The following CBLB variants were observed in gnomAD, a reference collection of about 807,000 sequenced individuals.
The protein encoded by CBLB is E3 ubiquitin-protein ligase CBL-B.
A neutral mutation model predicts 104.9 loss-of-function variants in CBLB; 31 were observed. The observed-to-expected ratio is 0.30, with a 90% CI of 0.22 to 0.40. The LOEUF (loss-of-function observed/expected upper bound fraction) is 0.40, where lower values mean the gene tolerates loss of function less well. Among genes scored for constraint, CBLB ranks in the 10% least tolerant of loss-of-function variants. The pLI is 1.00. For synonymous variants in CBLB, 440 were observed against 422.6 expected, an observed-to-expected ratio of 1.04 and a Z score of -0.51; for missense variants, 1,062 against 1,214.6, an observed-to-expected ratio of 0.87 and a Z score of 1.87.
intron 18 of CBLB, among the ~76,000 whole-genome samples, chr3:105,666,978 AGCCACG>A (rs1206841413): frequency 6.6e-6 from 1 of 152,212 alleles, no homozygotes; most frequent in East Asian, 1.9e-4. Flanking sequence ...CGTGAAGTGA[AGCCACG>A]ATTTCCAATT....
intron 3 of CBLB, among the ~76,000 whole-genome samples, chr3:105,792,447 T>C (rs145811450): frequency 6.6e-6 from 1 of 152,306 alleles, no homozygotes; most frequent in East Asian, 1.9e-4. Context: ...CAACTACTTA[T>C]GGGACTTTCA....
chr3:105,769,460 C>A (rs1284402642), intron 4 of CBLB, among the ~76,000 whole-genome samples: 2 of 152,150 alleles, frequency 1.3e-5, no homozygotes, highest in African/African-American at 4.8e-5. Context: ...GGGGGCATGT[C>A]AGCAGTTCAC....
At chr3:105,732,878 T>G (rs2074471103) in intron 9 of CBLB, among the ~76,000 whole-genome samples, 1 of 152,166 alleles carries the variant, frequency 6.6e-6, no homozygotes, top group East Asian at 1.9e-4. Context: ...ACCGAAAATC[T>G]TTTTTAAAGA....
intron 4 of CBLB, among the ~76,000 whole-genome samples, chr3:105,754,497 GAGAGAGAGAGAGAGAGAGAGAGAGAC>G (rs1364731840): frequency 1.5e-4 from 7 of 48,070 alleles, no homozygotes; most frequent in Non-Finnish European, 3.0e-4. Context: ...AAAGGGAAGA[GAGAGAGAGAGAGAGAGAGAGAGAGAC>G]AGAGAGAGAG....
At chr3:105,683,033 A>G (rs1301879270) in intron 14 of CBLB, among the ~76,000 whole-genome samples, 1 of 69,414 alleles carries the variant, frequency 1.4e-5, no homozygotes, top group African/African-American at 5.6e-5. Context: ...AATGGAAGAG[A>G]CGGATATTTG....
chr3:105,710,980 A>G (rs1045697826), intron 10 of CBLB, among the ~76,000 whole-genome samples: 6 of 151,952 alleles, frequency 3.9e-5, no homozygotes, highest in African/African-American at 1.4e-4. Flanking sequence ...AATAATTGGG[A>G]ACTCATTCTA....
chr3:105,688,380 G>A (rs538291178), intron 13 of CBLB, among the ~76,000 whole-genome samples: 1 of 151,920 alleles, frequency 6.6e-6, no homozygotes, highest in Non-Finnish European at 1.5e-5. Flanking sequence ...AATTCATTGT[G>A]TTAGTTATTT....
intron 11 of CBLB, among the ~76,000 whole-genome samples, 180 bp downstream of exon 11, chr3:105,703,807 AC>A (rs1424319287): frequency 1.3e-5 from 2 of 152,164 alleles, no homozygotes; most frequent in African/African-American, 4.8e-5. Context: ...ATTATGTGTA[AC>A]TCTCATAGTA....
At chr3:105,738,596 T>G (rs2075197240) in intron 7 of CBLB, among the ~76,000 whole-genome samples, 1 of 151,990 alleles carries the variant, frequency 6.6e-6, no homozygotes, top group Non-Finnish European at 1.5e-5. Context: ...AATTCAGAAA[T>G]TAAAGATTAC....
chr3:105,776,274 TC>T (rs1477140365), intron 4 of CBLB, 121 bp downstream of exon 4: 1 of 885,170 alleles, frequency 1.1e-6, no homozygotes, highest in African/African-American at 1.7e-5. Context: ...AAAATGCTTA[TC>T]AAAAATAATA....
intron 16 of CBLB, 87 bp downstream of exon 16, chr3:105,681,392 T>C (rs2152727306): frequency 1.8e-5 from 25 of 1,395,266 alleles, no homozygotes; most frequent in Non-Finnish European, 2.5e-5. Flanking sequence ...CCAGTGAGTC[T>C]GTGTTATACT....
At chr3:105,841,553 C>T (rs543508097) in intron 3 of CBLB, among the ~76,000 whole-genome samples, 43 of 151,726 alleles carry the variant, frequency 2.8e-4, no homozygotes, top group Middle Eastern at 3.4e-3. Context: ...CCCGGATTCA[C>T]GCCATTCTCC....
intron 9 of CBLB, among the ~76,000 whole-genome samples, chr3:105,722,916 T>TA (rs2073087903): frequency 6.6e-6 from 1 of 152,234 alleles, no homozygotes. Context: ...CTGATGTTGT[T>TA]AAGAGTGCCT....
chr3:105,824,318 A>G (rs1238951091), intron 3 of CBLB: 1 of 152,208 alleles, frequency 6.6e-6, no homozygotes, highest in Non-Finnish European at 1.5e-5. Context: ...AACATGTACT[A>G]TTGGTGGAGA....
intron 4 of CBLB, among the ~76,000 whole-genome samples, chr3:105,770,299 C>T (rs559592152): frequency 3.7e-4 from 57 of 152,112 alleles, no homozygotes; most frequent in Admixed American, 1.3e-3. Flanking sequence ...CCTCAGAGTG[C>T]GAGAGGGGAA....
In CBLB at chr3:105,823,689, T is replaced by C. The variant is rs528838857; in HGVS notation, c.419+29725A>G. Among the ~76,000 whole-genome samples the C allele has an allele frequency of 1.4e-4, 22 of 152,266 alleles. 1 individual carries two copies. The highest frequency in any genetic ancestry group is 2.1e-4 in the South Asian group (1 of 4,814). On this transcript the variant is annotated intron_variant, in intron 3 of 18. Coordinates refer to ENST00000394030, the MANE Select transcript of CBLB (RefSeq NM_170662.5). ...AGGTCTGAGTCATGTACCTCAGCAA[T>C]CTTGACCTTTGAAAAAGAGGAGGCT... is the stretch of plus-strand genomic sequence containing the variant.
chr3:105,801,928 A>C (rs1158474031), intron 3 of CBLB, among the ~76,000 whole-genome samples: 4 of 152,232 alleles, frequency 2.6e-5, no homozygotes, highest in Admixed American at 6.5e-5. Context: ...GGGAAAGATG[A>C]GGAAGTTGCC....
chr3:105,716,838 C>A (rs1040342137), intron 10 of CBLB, among the ~76,000 whole-genome samples: 5 of 152,122 alleles, frequency 3.3e-5, no homozygotes, highest in Admixed American at 2.6e-4. Context: ...GACAATAATG[C>A]TTGAGATCAT....
intron 18 of CBLB, among the ~76,000 whole-genome samples, chr3:105,663,273 C>T (rs1200191317): frequency 6.6e-6 from 1 of 152,116 alleles, no homozygotes; most frequent in African/African-American, 2.4e-5. Flanking sequence ...GAAATGATAA[C>T]AAAAAACAAA....
Sources: allele counts gnomAD v4.1 joint callset (sites outside exome capture counted in the v4.1 genomes callset), GRCh38; gene constraint gnomAD v4.1.1; transcripts MANE v1.5; gene names NCBI Gene and HGNC (gene_info 2026-07-23, HGNC 2026-07-21).